Variants in LOC128125817 observed in about 807,000 individuals in gnomAD.
chr1:41,616,500 T>A, the LOC128125817 span, among the ~76,000 whole-genome samples: 352 of 151,810 alleles, frequency 2.3e-3, no homozygotes, highest in Admixed American at 5.1e-3. Flanking sequence ...CAAGCTCCCA[T>A]TTGAGACTCC....
chr1:41,610,423 C>T, the LOC128125817 span, among the ~76,000 whole-genome samples: 4 of 152,214 alleles, frequency 2.6e-5, no homozygotes, highest in African/African-American at 9.6e-5. Flanking sequence ...CCATTACATC[C>T]CTAGGTGGGT....
chr1:41,627,135 G>C, the LOC128125817 span, among the ~76,000 whole-genome samples: 1 of 152,206 alleles, frequency 6.6e-6, no homozygotes, highest in African/African-American at 2.4e-5. Context: ...ATGGCACAGG[G>C]CTGCAACTGG....
chr1:41,623,243 G>A, the LOC128125817 span, among the ~76,000 whole-genome samples: 1 of 152,164 alleles, frequency 6.6e-6, no homozygotes, highest in African/African-American at 2.4e-5. Context: ...TTGGAGAAGC[G>A]ACACGAGAAA....
At chr1:41,604,457 A>C in the LOC128125817 span, among the ~76,000 whole-genome samples, 1 of 152,142 alleles carries the variant, frequency 6.6e-6, no homozygotes, top group Non-Finnish European at 1.5e-5. Flanking sequence ...GAATGTGGAA[A>C]CTCCACAATT....
At chr1:41,592,769 A>T in the LOC128125817 span, among the ~76,000 whole-genome samples, 3 of 152,238 alleles carry the variant, frequency 2.0e-5, no homozygotes, top group African/African-American at 7.2e-5. Context: ...TGGCTCACCT[A>T]TAACATTCTA....
the LOC128125817 span, among the ~76,000 whole-genome samples, chr1:41,620,031 C>G: frequency 6.6e-6 from 1 of 152,014 alleles, no homozygotes; most frequent in South Asian, 2.1e-4. Context: ...CAGCTGAGTT[C>G]CTTTGAATAT....
chr1:41,616,760 G>C, the LOC128125817 span, among the ~76,000 whole-genome samples: 1 of 151,082 alleles, frequency 6.6e-6, no homozygotes, highest in Non-Finnish European at 1.5e-5. Flanking sequence ...CTCAATTTTT[G>C]TTTTTCTAAA....
At chr1:41,615,237 A>C in the LOC128125817 span, among the ~76,000 whole-genome samples, 3 of 152,248 alleles carry the variant, frequency 2.0e-5, no homozygotes, top group Non-Finnish European at 4.4e-5. Flanking sequence ...GAATTAAATA[A>C]ATAATTTTAC....
At chr1:41,605,931 T>C in the LOC128125817 span, among the ~76,000 whole-genome samples, 2 of 152,230 alleles carry the variant, frequency 1.3e-5, no homozygotes, top group African/African-American at 2.4e-5. Context: ...ACGGTCATGA[T>C]ACATCTGATG....
the LOC128125817 span, among the ~76,000 whole-genome samples, chr1:41,586,745 G>A: frequency 6.6e-6 from 1 of 152,198 alleles, no homozygotes; most frequent in Non-Finnish European, 1.5e-5. Flanking sequence ...TGCTTTGGAG[G>A]AGCAGGTGAT....
the LOC128125817 span, among the ~76,000 whole-genome samples, chr1:41,613,084 G>A: frequency 1.3e-5 from 2 of 152,240 alleles, no homozygotes; most frequent in Non-Finnish European, 2.9e-5. Flanking sequence ...GGACAGCCAG[G>A]AGCACTGGGC....
the LOC128125817 span, among the ~76,000 whole-genome samples, chr1:41,615,474 T>G: frequency 1.3e-5 from 2 of 152,044 alleles, no homozygotes; most frequent in African/African-American, 2.4e-5. Flanking sequence ...GTTTGACAGG[T>G]GAAGATGCTG....
the LOC128125817 span, among the ~76,000 whole-genome samples, chr1:41,623,187 C>T: frequency 4.0e-3 from 612 of 152,324 alleles, 5 homozygotes; most frequent in African/African-American, 0.014. Flanking sequence ...AGAAAATCTA[C>T]CCCAGCCGAG....
chr1:41,616,569 C>CTT, the LOC128125817 span, among the ~76,000 whole-genome samples: 689 of 127,698 alleles, frequency 5.4e-3, 9 homozygotes, highest in Middle Eastern at 0.033. Context: ...ATAGCAATTA[C>CTT]TTTTTTTTTT....
chr1:41,592,969 C>T, the LOC128125817 span, among the ~76,000 whole-genome samples: 1 of 152,156 alleles, frequency 6.6e-6, no homozygotes, highest in Non-Finnish European at 1.5e-5. Flanking sequence ...TGGGCTGTCA[C>T]CACCTCCACC....
chr1:41,595,761 C>T, the LOC128125817 span, among the ~76,000 whole-genome samples: 1 of 152,146 alleles, frequency 6.6e-6, no homozygotes, highest in Admixed American at 6.5e-5. Context: ...GGTAGAAGAA[C>T]ATGAAAAGAC....
At chr1:41,625,082 G>A in the LOC128125817 span, among the ~76,000 whole-genome samples, 1 of 130,222 alleles carries the variant, frequency 7.7e-6, no homozygotes, top group Non-Finnish European at 1.6e-5. Context: ...AAAATAGCTT[G>A]AACCTGGGAG....
chr1:41,617,536 G>A, the LOC128125817 span, among the ~76,000 whole-genome samples: 1 of 152,236 alleles, frequency 6.6e-6, no homozygotes, highest in Non-Finnish European at 1.5e-5. Flanking sequence ...ATGCTCCTGA[G>A]GGCTGGTCCA....
chr1:41,620,676 C>T, the LOC128125817 span, among the ~76,000 whole-genome samples: 1 of 152,154 alleles, frequency 6.6e-6, no homozygotes, highest in Non-Finnish European at 1.5e-5. Context: ...ATGCTTAGTG[C>T]CCCACTCATC....
Sources: allele counts gnomAD v4.1 joint callset (sites outside exome capture counted in the v4.1 genomes callset), GRCh38; gene constraint gnomAD v4.1.1; transcripts MANE v1.5.